Variants in MFHAS1 observed in about 807,000 individuals in gnomAD.
The protein encoded by MFHAS1 is malignant fibrous histiocytoma-amplified sequence 1.
Under a neutral mutation model 70.4 loss-of-function variants are expected in MFHAS1, and 50 were observed. That is an observed-to-expected ratio of 0.71 (90% CI 0.57 to 0.90). The LOEUF is 0.90. MFHAS1 is among the 40% of genes least tolerant of loss of function. The pLI, the probability that MFHAS1 is intolerant of heterozygous loss-of-function variation, is 0.00. For missense variants in MFHAS1, 1,795 were observed against 1,347.6 expected, an observed-to-expected ratio of 1.33 and a Z score of -5.20; for synonymous variants, 952 against 620.0, an observed-to-expected ratio of 1.54 and a Z score of -7.96.
intron 1 of MFHAS1, among the ~76,000 whole-genome samples, chr8:8,862,567 TA>T (rs1808707159): frequency 6.6e-6 from 1 of 152,122 alleles, no homozygotes; most frequent in African/African-American, 2.4e-5. Flanking sequence ...TGTCTGCTGT[TA>T]GGGGGTGGAG....
intron 1 of MFHAS1, among the ~76,000 whole-genome samples, chr8:8,855,614 G>C (rs573328878): frequency 5.3e-5 from 8 of 152,276 alleles, no homozygotes; most frequent in East Asian, 1.9e-4. Context: ...CTGGCGCTTT[G>C]GTAGGCCGAG....
chr8:8,885,989 T>C (rs932212190), intron 1 of MFHAS1, among the ~76,000 whole-genome samples: 5 of 152,238 alleles, frequency 3.3e-5, no homozygotes, highest in African/African-American at 4.8e-5. Context: ...GGCTTCATCA[T>C]AGGCCATCTC....
intron 1 of MFHAS1, among the ~76,000 whole-genome samples, chr8:8,829,890 T>G (rs1807307578): frequency 6.6e-6 from 1 of 152,160 alleles, no homozygotes; most frequent in African/African-American, 2.4e-5. Flanking sequence ...CGTTCAGAGG[T>G]GCCCAGAGGC....
intron 1 of MFHAS1, among the ~76,000 whole-genome samples, chr8:8,816,596 G>C (rs1042069295): frequency 2.0e-5 from 3 of 151,886 alleles, no homozygotes; most frequent in Non-Finnish European, 2.9e-5. Context: ...CTGTATTGTT[G>C]GTAAAAGAAA....
rs201326485 is a variant in MFHAS1 at position 8,819,608 on chromosome 8, C to CAAAA, written c.2999-22121_2999-22118dup. On this transcript the variant is annotated intron_variant, in intron 1 of 2. Coordinates refer to ENST00000276282, the MANE Select transcript of MFHAS1 (RefSeq NM_004225.3). Reference sequence around the variant, plus strand: ...GACAGAGCAAGACTCCAACTCAAAACAAAAAAAAAAAAAAAAAAGAATATC... The same window carrying CAAAA: ...GACAGAGCAAGACTCCAACTCAAAACAAAAAAAAAAAAAAAAAAAAAAGAATATC... Among the ~76,000 whole-genome samples the CAAAA allele has an allele frequency of 4.3e-3, 390 of 91,240 alleles. 2 individuals carry two copies. Among genetic ancestry groups the CAAAA allele is most frequent in the Middle Eastern group, 6.3e-3 (1 of 160 alleles). The allele number at this position is 91,240 out of a possible 152,430, so 59.9% of individuals were successfully genotyped here. A position where few individuals can be genotyped will look rare whatever the true frequency, so the allele number is the denominator to read the frequency against.
chr8:8,821,545 A>T (rs1452022646), intron 1 of MFHAS1, among the ~76,000 whole-genome samples: 1 of 152,154 alleles, frequency 6.6e-6, no homozygotes, highest in Non-Finnish European at 1.5e-5. Context: ...TCACACTTTG[A>T]TTTATGCCAG....
In MFHAS1 at chr8:8,797,276, A is replaced by G. The variant is rs1805937291; in HGVS notation, c.3125+89T>C. 5 of 1,490,826 alleles carry G rather than the reference A, an allele frequency of 3.4e-6. No individual in the cohort carries two copies. In the East Asian group the frequency reaches 6.9e-5, roughly 21 times the overall value. 92.3% of individuals were successfully genotyped at this position (1,490,826 alleles called of 1,614,324 possible). ...GGAGGACTTTGCAAGGTTTGTGCAG[A>G]TGCAGTTTAACCTGGATTTTTGTGG... is the stretch of plus-strand genomic sequence containing the variant. On this transcript the variant is annotated intron_variant, in intron 2 of 2. Coordinates refer to ENST00000276282, the MANE Select transcript of MFHAS1 (RefSeq NM_004225.3).
intron 1 of MFHAS1, 61 bp downstream of exon 1, chr8:8,890,000 G>GT (rs1452328557): frequency 2.9e-4 from 392 of 1,353,210 alleles, no homozygotes; most frequent in Non-Finnish European, 3.9e-4. Context: ...TGACAACCAA[G>GT]TATCTCCAAA....
At position 8,892,838 on chromosome 8, in the gene MFHAS1, C is replaced by A. The variant is rs1040877835; in HGVS notation, c.221G>T (p.Gly74Val). The A allele has an allele frequency of 2.3e-5, 37 of 1,596,484 alleles. No homozygotes were observed. Among genetic ancestry groups the A allele is most frequent in the Non-Finnish European group, 2.9e-5 (34 of 1,172,048 alleles). ...DIEALNLGNNGLEEVPEGLGS... is the reference protein window; with the variant it reads ...DIEALNLGNNVLEEVPEGLGS... ...CAGCCCCTCGGGTACCTCCTCCAGG[C>A]CGTTGTTCCCCAGGTTCAGTGCCTC... The change falls in exon 1 of 3, where the codon GGC becomes GTC. Residue 74 changes from glycine to valine, a missense_variant. Gly to Val is a moderately radical substitution (Grantham distance 109). Transcript: ENST00000276282. This position sits in a 1 kb window ranked among gnomAD's most constrained non-coding sequence, Gnocchi z 4.7.
At chr8:8,812,299 G>A (rs965772622) in intron 1 of MFHAS1, among the ~76,000 whole-genome samples, 3 of 152,120 alleles carry the variant, frequency 2.0e-5, no homozygotes, top group Admixed American at 6.6e-5. Flanking sequence ...GACTGAAGCC[G>A]GCGTAAGATC....
At chr8:8,807,207 A>T (rs1033045183) in intron 1 of MFHAS1, among the ~76,000 whole-genome samples, 2 of 152,060 alleles carry the variant, frequency 1.3e-5, no homozygotes, top group African/African-American at 2.4e-5. Context: ...TCTGACCAAG[A>T]GCGCTCACCA....
chr8:8,892,951 G>A lies in MFHAS1; in HGVS notation c.108C>T (p.Ala36=). ...RSNLRQLTLT[A]AGACPGAGAD... is the part of the protein sequence containing the mutation. ...CCCCGGCCCCGGGGCAGGCCCCGGC[G>A]GCGGTAAGCGTGAGCTGGCGCAGGT... Residue 36 remains alanine, a synonymous_variant, in exon 1 of 3, where the codon GCC becomes GCT. Coordinates refer to ENST00000276282, the MANE Select transcript of MFHAS1 (RefSeq NM_004225.3). The surrounding 1 kb of genome is among the most constrained non-coding windows in gnomAD (Gnocchi z 4.7). The A allele has an allele frequency of 6.5e-7, 1 of 1,545,226 alleles. No homozygotes were observed. Among genetic ancestry groups the A allele is most frequent in the East Asian group, 2.5e-5 (1 of 40,282 alleles).
intron 1 of MFHAS1, among the ~76,000 whole-genome samples, chr8:8,880,502 G>A (rs1189174520): frequency 6.6e-6 from 1 of 152,090 alleles, no homozygotes; most frequent in African/African-American, 2.4e-5. Context: ...CACCCAAAAG[G>A]CAGAATGGCA....
chr8:8,800,899 G>C (rs1217218338), intron 1 of MFHAS1, among the ~76,000 whole-genome samples: 3 of 152,054 alleles, frequency 2.0e-5, no homozygotes, highest in African/African-American at 7.2e-5. Context: ...AGCTTTCGGT[G>C]GTCAGATCAT....
chr8:8,862,435 G>T, intron 1 of MFHAS1, among the ~76,000 whole-genome samples: 1 of 149,344 alleles, frequency 6.7e-6, no homozygotes, highest in Non-Finnish European at 1.5e-5. Context: ...TTTTCTCCTA[G>T]ACTATAGATT....
At chr8:8,885,570 T>C (rs978645800) in intron 1 of MFHAS1, among the ~76,000 whole-genome samples, 2 of 152,018 alleles carry the variant, frequency 1.3e-5, no homozygotes, top group African/African-American at 4.8e-5. Flanking sequence ...CATAAACAAA[T>C]ATCCCACAAG....
intron 1 of MFHAS1, among the ~76,000 whole-genome samples, chr8:8,851,016 C>T (rs184246172): frequency 1.3e-5 from 2 of 152,246 alleles, no homozygotes; most frequent in South Asian, 2.1e-4. Context: ...TCTGTTCCTC[C>T]TTAGTGAATC....
intron 1 of MFHAS1, among the ~76,000 whole-genome samples, chr8:8,810,738 G>A (rs1248524631): frequency 1.3e-5 from 2 of 152,208 alleles, no homozygotes; most frequent in African/African-American, 4.8e-5. Context: ...AGTAGTTAAG[G>A]AGTCAAATGT....
intron 1 of MFHAS1, among the ~76,000 whole-genome samples, chr8:8,809,152 T>C (rs960516472): frequency 6.6e-6 from 1 of 152,174 alleles, no homozygotes; most frequent in Non-Finnish European, 1.5e-5. Flanking sequence ...TGGGACCAGC[T>C]AGTTGCAGGA....
Sources: allele counts gnomAD v4.1 joint callset (sites outside exome capture counted in the v4.1 genomes callset), GRCh38; gene constraint gnomAD v4.1.1; non-coding constraint Gnocchi (gnomAD v3.1); transcripts MANE v1.5; gene names NCBI Gene and HGNC (gene_info 2026-07-23, HGNC 2026-07-21).